Variants in SDK1 observed in about 807,000 individuals in gnomAD.
SDK1 encodes the protein sidekick cell adhesion molecule 1, also known as protein sidekick-1.
A neutral mutation model predicts 245.5 loss-of-function variants in SDK1; 157 were observed. That is an observed-to-expected ratio of 0.64 (90% CI 0.56 to 0.73). SDK1 has a LOEUF of 0.73. Ranked by LOEUF, SDK1 falls within the 30% of genes least tolerant of loss-of-function variation. SDK1 has a pLI of 0.00. For missense variants in SDK1, 3,583 were observed against 3,002.3 expected (o/e 1.19, Z -4.52); for synonymous variants, 1,647 against 1,278.5 (o/e 1.29, Z -6.15).
At chr7:3,677,356 A>G (rs1783937234) in intron 4 of SDK1, among the ~76,000 whole-genome samples, 1 of 152,206 alleles carries the variant, frequency 6.6e-6, no homozygotes, top group Non-Finnish European at 1.5e-5. Context: ...AGACTGGGTA[A>G]TTTATAAAGG....
chr7:4,174,538 C>T lies in SDK1; in HGVS notation c.4936+181C>T, dbSNP rs182472726. The stretch of plus-strand genomic sequence containing the variant: ...CAGGGGCACACAGGGTGCAGGTGTG[C>T]GGCAGGTGGGTGCAGCTGCGGAGGC... On this transcript the variant is annotated intron_variant, in intron 33 of 44. Coordinates refer to ENST00000404826, the MANE Select transcript of SDK1 (RefSeq NM_152744.4). 5.9e-5 allele frequency among the ~76,000 whole-genome samples: 9 copies of T among 152,254 alleles called. No homozygotes were observed. The East Asian group carries it at 1.5e-3, about 26-fold the overall frequency.
chr7:3,347,275 A>G (rs1208683393), intron 1 of SDK1, among the ~76,000 whole-genome samples: 1 of 152,066 alleles, frequency 6.6e-6, no homozygotes, highest in Non-Finnish European at 1.5e-5. Flanking sequence ...CACTTGGCAC[A>G]TATCTTCTTA....
chr7:3,367,690 T>C (rs1339711635), intron 1 of SDK1, among the ~76,000 whole-genome samples: 3 of 152,254 alleles, frequency 2.0e-5, no homozygotes, highest in African/African-American at 7.2e-5. Context: ...AACTTAACTC[T>C]TCGACCTATT....
chr7:3,856,578 A>G (rs1269954341), intron 5 of SDK1, among the ~76,000 whole-genome samples: 2 of 151,484 alleles, frequency 1.3e-5, no homozygotes, highest in Non-Finnish European at 1.5e-5. Flanking sequence ...ATCACCTGAG[A>G]TCAGGAGTTC....
intron 17 of SDK1, among the ~76,000 whole-genome samples, chr7:4,028,995 A>G (rs942087830): frequency 2.6e-5 from 4 of 151,740 alleles, no homozygotes; most frequent in African/African-American, 9.7e-5. Context: ...GGAAGCCATC[A>G]CCAGGGGTCA....
At chr7:3,443,218 A>G (rs757841155) in intron 1 of SDK1, among the ~76,000 whole-genome samples, 20 of 152,170 alleles carry the variant, frequency 1.3e-4, no homozygotes, top group Non-Finnish European at 2.6e-4. Context: ...TGTGGTAGAT[A>G]GCATTGTACT....
chr7:3,524,157 G>C (rs60833149), intron 1 of SDK1, among the ~76,000 whole-genome samples: 1 of 152,198 alleles, frequency 6.6e-6, no homozygotes, highest in African/African-American at 2.4e-5. Context: ...GAACTTCCCA[G>C]AATGAAGAAA....
chr7:3,658,472 T>C (rs1202066455), intron 4 of SDK1, among the ~76,000 whole-genome samples: 2 of 152,084 alleles, frequency 1.3e-5, no homozygotes, highest in African/African-American at 4.8e-5. Context: ...TTAGTTCATC[T>C]CATGTAGTCT....
At chr7:3,998,730 C>T (rs1357249866) in intron 14 of SDK1, among the ~76,000 whole-genome samples, 1 of 152,208 alleles carries the variant, frequency 6.6e-6, no homozygotes, top group African/African-American at 2.4e-5. Flanking sequence ...CCCATATCTT[C>T]ATGTTTTCTA....
chr7:3,481,184 G>GT (rs1371561395), intron 1 of SDK1, among the ~76,000 whole-genome samples: 1 of 152,070 alleles, frequency 6.6e-6, no homozygotes, highest in Non-Finnish European at 1.5e-5. Flanking sequence ...TTAAAAAGTT[G>GT]TTTTTTGGGC....
At chr7:3,321,049 T>C (rs958488229) in intron 1 of SDK1, among the ~76,000 whole-genome samples, 1 of 152,206 alleles carries the variant, frequency 6.6e-6, no homozygotes, top group East Asian at 1.9e-4. Context: ...TAACATAGGA[T>C]ATGTGGATGT....
At chr7:3,714,286 C>T (rs563047645) in intron 4 of SDK1, among the ~76,000 whole-genome samples, 72 of 152,270 alleles carry the variant, frequency 4.7e-4, no homozygotes, top group African/African-American at 1.7e-3. Context: ...AATCTCTGAA[C>T]TTCCTTATTG....
chr7:3,474,223 C>G (rs1006067154), intron 1 of SDK1, among the ~76,000 whole-genome samples: 3 of 150,184 alleles, frequency 2.0e-5, no homozygotes, highest in African/African-American at 7.3e-5. Flanking sequence ...CTGCCTCAGC[C>G]TCCCAAGTAG....
rs186128235 is a variant in SDK1 at position 3,336,021 on chromosome 7, A to G, written c.298+34137A>G. On this transcript the variant is annotated intron_variant, in intron 1 of 44. Coordinates refer to ENST00000404826, the MANE Select transcript of SDK1 (RefSeq NM_152744.4). ...TTACTATCTCCCACATGTCTAGTAC[A>G]GGGCACTGCAGAAGCCTCCATCCCT... Among the ~76,000 whole-genome samples the G allele has an allele frequency of 5.2e-3, 785 of 152,274 alleles. 3 individuals are homozygous for G. The highest frequency in any genetic ancestry group is 8.4e-3 in the Non-Finnish European group (570 of 68,016).
At chr7:4,068,332 G>A (rs1780030719) in intron 20 of SDK1, among the ~76,000 whole-genome samples, 1 of 152,212 alleles carries the variant, frequency 6.6e-6, no homozygotes, top group South Asian at 2.1e-4. Flanking sequence ...TGAGGAAACT[G>A]AGGCCCCGAG....
intron 4 of SDK1, among the ~76,000 whole-genome samples, chr7:3,700,402 A>T (rs1333021132): frequency 1.3e-5 from 2 of 152,180 alleles, no homozygotes. Flanking sequence ...TATAGAGGAG[A>T]TGTTTATGAC....
chr7:3,612,574 G>A (rs1487408145), intron 1 of SDK1, among the ~76,000 whole-genome samples: 2 of 152,130 alleles, frequency 1.3e-5, no homozygotes, highest in African/African-American at 4.8e-5. Flanking sequence ...ATTCTGCCCT[G>A]TGCTTTTGTT....
intron 1 of SDK1, among the ~76,000 whole-genome samples, chr7:3,465,519 C>A (rs1176330576): frequency 6.6e-6 from 1 of 152,142 alleles, no homozygotes; most frequent in Non-Finnish European, 1.5e-5. Context: ...CCCACAGAAG[C>A]TTCCTTTTCT....
chr7:3,679,398 C>G (rs534647935), intron 4 of SDK1, among the ~76,000 whole-genome samples: 23 of 152,224 alleles, frequency 1.5e-4, no homozygotes, highest in African/African-American at 5.3e-4. Context: ...AACCCCGTCT[C>G]TACTAAAAAT....
Sources: gnomAD v4.1 joint callset for allele counts (sites outside exome capture counted in the v4.1 genomes callset) on GRCh38, gnomAD v4.1.1 for gene constraint, MANE v1.5 for transcripts, NCBI Gene and HGNC (gene_info 2026-07-23, HGNC 2026-07-21) for gene names.